The following LEPR variants were observed in gnomAD, a reference collection of about 807,000 sequenced individuals.
LEPR encodes OB receptor.
A neutral mutation model predicts 114.7 loss-of-function variants in LEPR; 56 were observed. That is an observed-to-expected ratio of 0.49 (90% CI 0.39 to 0.61). The LOEUF is 0.61. Among genes scored for constraint, LEPR ranks in the 20% least tolerant of loss-of-function variants. The pLI, the probability that LEPR is intolerant of heterozygous loss-of-function variation, is 0.00. For missense variants in LEPR, 1,202 were observed against 1,352.9 expected, an observed-to-expected ratio of 0.89 and a Z score of 1.75; for synonymous variants, 443 against 461.4, an observed-to-expected ratio of 0.96 and a Z score of 0.51.
chr1:65,431,638 T>TA (rs1646485669), intron 2 of LEPR, among the ~76,000 whole-genome samples: 1 of 152,242 alleles, frequency 6.6e-6, no homozygotes, highest in Non-Finnish European at 1.5e-5. Flanking sequence ...CAGAAGTAAT[T>TA]AGACTCATTA....
chr1:65,439,849 G>T (rs1570452052), intron 2 of LEPR, among the ~76,000 whole-genome samples: 1 of 96,832 alleles, frequency 1.0e-5, no homozygotes. Flanking sequence ...AAAAAAAAAA[G>T]CTGGGCGCAG....
Position 65,513,317 on chromosome 1 carries a change from G to A in LEPR, c.-20-52229G>A, listed in dbSNP as rs79353784. On this transcript the variant is annotated intron_variant, in intron 2 of 19. Transcript: ENST00000349533. Reference sequence around the variant, plus strand: ...CAGAGGTAGAGGAGGAGGGGAACAGGCTGATAAAAACACTGAACTGCATTA... The same window carrying A: ...CAGAGGTAGAGGAGGAGGGGAACAGACTGATAAAAACACTGAACTGCATTA... 5.3e-3 allele frequency among the ~76,000 whole-genome samples: 807 copies of A among 152,054 alleles called. 5 individuals carry two copies. Among genetic ancestry groups the A allele is most frequent in the African/African-American group, 0.015 (633 of 41,340 alleles).
At chr1:65,469,746 G>C (rs1647059333) in intron 2 of LEPR, among the ~76,000 whole-genome samples, 4 of 152,160 alleles carry the variant, frequency 2.6e-5, no homozygotes, top group Admixed American at 2.6e-4. Context: ...TTCCAGCTGG[G>C]CTAGGCTGGC....
intron 19 of LEPR, among the ~76,000 whole-genome samples, chr1:65,624,590 C>G (rs1454107064): frequency 6.6e-6 from 1 of 152,074 alleles, no homozygotes; most frequent in Non-Finnish European, 1.5e-5. Flanking sequence ...ACCTTCCAAC[C>G]TAGTACACCA....
At chr1:65,519,095 C>A (rs553981762) in intron 2 of LEPR, among the ~76,000 whole-genome samples, 1 of 140,372 alleles carries the variant, frequency 7.1e-6, no homozygotes, top group Non-Finnish European at 1.5e-5. Context: ...TCCTTCCATC[C>A]TCTGTGTCTC....
intron 2 of LEPR, among the ~76,000 whole-genome samples, chr1:65,550,225 TG>T (rs1177068279): frequency 6.6e-5 from 10 of 152,116 alleles, no homozygotes; most frequent in Admixed American, 1.3e-4. Flanking sequence ...CTGCCCCTAC[TG>T]GGGGGTGCCT....
In LEPR at chr1:65,618,057, A is replaced by G; in HGVS notation, c.2306A>G (p.Tyr769Cys). The G allele has an allele frequency of 3.7e-6, 6 of 1,612,576 alleles. No homozygotes were observed. The highest frequency in any genetic ancestry group is 5.1e-6 in the Non-Finnish European group (6 of 1,179,360). Residue 769 changes from tyrosine to cysteine, a missense_variant, in exon 16 of 20, where the codon TAT (tyrosine) becomes TGT (cysteine). Physicochemically the swap from Tyr to Cys is radical, Grantham distance 194. Transcript: ENST00000349533. The part of the protein sequence containing the change: ...ILSPSDYKLM[Y>C]FIIEWKNLNE... ...TCACCCAGTGATTACAAGCTAATGT[A>G]TTTTATTATTGAGTGGAAAAATCTT... is the stretch of plus-strand genomic sequence containing the variant.
At chr1:65,523,464 C>T (rs1039597101) in intron 2 of LEPR, among the ~76,000 whole-genome samples, 3 of 152,034 alleles carry the variant, frequency 2.0e-5, no homozygotes, top group African/African-American at 4.8e-5. Context: ...GTGTGCACCA[C>T]CACACCCAGC....
chr1:65,566,763 C>T (rs148114689), intron 3 of LEPR, among the ~76,000 whole-genome samples: 1 of 152,156 alleles, frequency 6.6e-6, no homozygotes, highest in Non-Finnish European at 1.5e-5. Flanking sequence ...CTTGGCTACC[C>T]CAATCTAAAG....
At chr1:65,452,335 G>A (rs1244390459) in intron 2 of LEPR, among the ~76,000 whole-genome samples, 13 of 149,874 alleles carry the variant, frequency 8.7e-5, no homozygotes, top group African/African-American at 3.2e-4. Context: ...AGTGGTGAGA[G>A]AGGGCATCCC....
chr1:65,617,147 T>C (rs1657576652), intron 15 of LEPR, among the ~76,000 whole-genome samples: 1 of 152,150 alleles, frequency 6.6e-6, no homozygotes, highest in Non-Finnish European at 1.5e-5. Context: ...AGAAAAACTA[T>C]AATGGTTGGA....
In LEPR at chr1:65,436,064, G is replaced by A. The variant is rs191400804; in HGVS notation, c.-21+10686G>A. ...AAGTTTATATTTTACTTTGCGGTAC[G>A]TTACATTTGGAAAGGAGATCAGCAA... On this transcript the variant is annotated intron_variant, in intron 2 of 19. Transcript: ENST00000349533. 177 of 984,722 alleles carry A rather than the reference G, an allele frequency of 1.8e-4. 1 individual carries two copies. The African/African-American group carries it at 2.7e-3, about 15-fold the overall frequency. The allele number at this position is 984,722 out of a possible 1,614,324, so 61.0% of individuals were successfully genotyped here. A position where few individuals can be genotyped will look rare whatever the true frequency, so the allele number is the denominator to read the frequency against.
intron 2 of LEPR, among the ~76,000 whole-genome samples, chr1:65,455,198 AAGT>A (rs1557600945): frequency 2.6e-5 from 4 of 152,016 alleles, no homozygotes; most frequent in Non-Finnish European, 5.9e-5. Flanking sequence ...ACTTTTTTCA[AAGT>A]TTTCAACTTC....
intron 5 of LEPR, among the ~76,000 whole-genome samples, chr1:65,575,940 G>T: frequency 6.6e-6 from 1 of 151,394 alleles, no homozygotes; most frequent in South Asian, 2.1e-4. Context: ...ATCTCTATCA[G>T]ATCTGCTGTG....
intron 5 of LEPR, among the ~76,000 whole-genome samples, chr1:65,579,653 C>T (rs1654844586): frequency 6.6e-6 from 1 of 152,204 alleles, no homozygotes. Context: ...AAAATTCTCA[C>T]TTGGGTGCCT....
At chr1:65,565,856 C>T (rs1653708699) in intron 3 of LEPR, among the ~76,000 whole-genome samples, 1 of 151,800 alleles carries the variant, frequency 6.6e-6, no homozygotes, top group Non-Finnish European at 1.5e-5. Context: ...CACACACACA[C>T]ACACACAGAC....
At chr1:65,505,220 G>A (rs973442650) in intron 2 of LEPR, among the ~76,000 whole-genome samples, 12 of 152,214 alleles carry the variant, frequency 7.9e-5, no homozygotes, top group African/African-American at 2.6e-4. Context: ...GCCCATTTGA[G>A]CACCACTTGA....
At chr1:65,522,636 A>G (rs1649690588) in intron 2 of LEPR, among the ~76,000 whole-genome samples, 1 of 152,246 alleles carries the variant, frequency 6.6e-6, no homozygotes, top group African/African-American at 2.4e-5. Context: ...ATAGTTGGGC[A>G]ATATTTATGT....
chr1:65,462,864 A>C (rs747958065), intron 2 of LEPR, among the ~76,000 whole-genome samples: 1 of 151,390 alleles, frequency 6.6e-6, no homozygotes, highest in Non-Finnish European at 1.5e-5. Flanking sequence ...TTTTCTTATA[A>C]ATTTAAGTTC....
Sources: gnomAD v4.1 joint callset for allele counts (sites outside exome capture counted in the v4.1 genomes callset) on GRCh38, gnomAD v4.1.1 for gene constraint, MANE v1.5 for transcripts, NCBI Gene and HGNC (gene_info 2026-07-23, HGNC 2026-07-21) for gene names.